AOPEP: variants seen among roughly 807,000 people sequenced by gnomAD.
The protein encoded by AOPEP is aminopeptidase O.
AOPEP carries 77 observed loss-of-function variants against 98.1 expected under a neutral mutation model. The observed-to-expected ratio is 0.78, with a 90% CI of 0.65 to 0.95. The LOEUF (loss-of-function observed/expected upper bound fraction) is 0.95, where lower values mean the gene tolerates loss of function less well. Among genes scored for constraint, AOPEP ranks in the 40% least tolerant of loss-of-function variants. AOPEP has a pLI of 0.00. For synonymous variants in AOPEP, 346 were observed against 365.3 expected, an observed-to-expected ratio of 0.95 and a Z score of 0.60; for missense variants, 1,024 against 1,024.7, an observed-to-expected ratio of 1.00 and a Z score of 0.01.
chr9:94,886,442 C>G (rs1165147616), intron 5 of AOPEP, among the ~76,000 whole-genome samples: 1 of 152,068 alleles, frequency 6.6e-6, no homozygotes, highest in Non-Finnish European at 1.5e-5. Context: ...TACCAATGTT[C>G]TTGAAGAAGA....
intron 5 of AOPEP, 21 bp downstream of exon 5, chr9:94,801,023 A>T: frequency 6.2e-7 from 1 of 1,612,804 alleles, no homozygotes; most frequent in Non-Finnish European, 8.5e-7. Context: ...CCATTGTGGC[A>T]CTTGGGGTAC....
intron 5 of AOPEP, among the ~76,000 whole-genome samples, chr9:94,860,121 T>C (rs925346283): frequency 6.6e-6 from 1 of 151,914 alleles, no homozygotes; most frequent in South Asian, 2.1e-4. Context: ...TCTGAGGCAG[T>C]GATGTAGAAG....
chr9:94,931,744 G>A (rs912963017), intron 7 of AOPEP: 1 of 1,550,480 alleles, frequency 6.4e-7, no homozygotes, highest in East Asian at 2.4e-5. Context: ...TGCAGTGGAA[G>A]CTTCTCTTGA....
intron 3 of AOPEP, among the ~76,000 whole-genome samples, chr9:94,785,886 T>G (rs1183143517): frequency 6.6e-6 from 1 of 152,228 alleles, no homozygotes; most frequent in Non-Finnish European, 1.5e-5. Context: ...AATGGCCCAT[T>G]CTATATGAAG....
In AOPEP at chr9:94,946,599, G is replaced by A. The variant is rs111362827; in HGVS notation, c.1662-8578G>A. 4.6e-5 allele frequency among the ~76,000 whole-genome samples: 7 copies of A among 152,266 alleles called. No homozygotes were observed. In the East Asian group the frequency reaches 9.6e-4, roughly 21 times the overall value. ...GGAATCTGCCTCCTGTAACATCTGCGCAGTCCTCTTAGCTCTTATCTCCAG... is the reference window on the plus strand; with the variant it reads ...GGAATCTGCCTCCTGTAACATCTGCACAGTCCTCTTAGCTCTTATCTCCAG... On this transcript the variant is annotated intron_variant, in intron 7 of 16. Transcript: ENST00000375315.
intron 5 of AOPEP, among the ~76,000 whole-genome samples, chr9:94,825,022 G>A (rs1017870927): frequency 2.0e-5 from 3 of 151,934 alleles, no homozygotes; most frequent in Non-Finnish European, 4.4e-5. Flanking sequence ...TTGCCCTGGC[G>A]TTTCCCAAGA....
chr9:94,946,848 G>A (rs1487553205), intron 7 of AOPEP, among the ~76,000 whole-genome samples: 2 of 152,190 alleles, frequency 1.3e-5, no homozygotes, highest in Middle Eastern at 3.4e-3. Context: ...GCTTTGAGGC[G>A]CCACCCATGA....
intron 7 of AOPEP, among the ~76,000 whole-genome samples, chr9:94,936,207 C>G (rs2056248966): frequency 1.3e-5 from 2 of 152,246 alleles, no homozygotes; most frequent in South Asian, 4.2e-4. Context: ...CACCTCCTTG[C>G]TAAAACTCTC....
chr9:94,849,908 G>A (rs1401017202), intron 5 of AOPEP, among the ~76,000 whole-genome samples: 2 of 152,096 alleles, frequency 1.3e-5, no homozygotes, highest in African/African-American at 4.8e-5. Flanking sequence ...GGTGGCGTGA[G>A]CCTGTAATCC....
chr9:94,936,053 T>C (rs1053343143), intron 7 of AOPEP, among the ~76,000 whole-genome samples: 3 of 152,156 alleles, frequency 2.0e-5, no homozygotes, highest in Admixed American at 6.5e-5. Context: ...ACTCCTCTTC[T>C]CCACCCCTAA....
the AOPEP span, among the ~76,000 whole-genome samples, chr9:95,134,118 T>A: frequency 6.6e-6 from 1 of 152,152 alleles, no homozygotes; most frequent in South Asian, 2.1e-4. Flanking sequence ...GCAGCGTGGC[T>A]GTCAGCACCT....
chr9:94,965,384 A>G (rs1184906718), intron 9 of AOPEP, among the ~76,000 whole-genome samples: 1 of 152,260 alleles, frequency 6.6e-6, no homozygotes, highest in Non-Finnish European at 1.5e-5. Context: ...TAAATATTTC[A>G]TTAATGCTTT....
chr9:95,004,216 A>G (rs1376966999), intron 11 of AOPEP: 2 of 456,318 alleles, frequency 4.4e-6, no homozygotes, highest in Non-Finnish European at 8.8e-6. Flanking sequence ...GGGTTCCAGC[A>G]ACTGCTGATG....
chr9:94,944,470 A>G (rs951057517), intron 7 of AOPEP, among the ~76,000 whole-genome samples: 4 of 152,258 alleles, frequency 2.6e-5, no homozygotes, highest in Non-Finnish European at 5.9e-5. Context: ...GCTCAGCGGA[A>G]AAAGCTGGAC....
chr9:95,005,662 G>A (rs1217310555), intron 13 of AOPEP, 46 bp downstream of exon 13: 1 of 1,510,304 alleles, frequency 6.6e-7, no homozygotes, highest in Admixed American at 1.7e-5. Flanking sequence ...TGGTAAATCC[G>A]CTTCTGCCCC....
chr9:95,101,633 CA>C, the AOPEP span: 6 of 1,593,000 alleles, frequency 3.8e-6, no homozygotes, highest in African/African-American at 8.1e-5. Flanking sequence ...TGCGTGGCCA[CA>C]GGTCATCACC....
chr9:94,773,278 G>C, intron 3 of AOPEP, 110 bp downstream of exon 3: 1 of 1,000,678 alleles, frequency 1.0e-6, no homozygotes, highest in Non-Finnish European at 1.5e-6. Flanking sequence ...TAGTTGGGTT[G>C]GAAATGATCA....
At chr9:94,955,359 T>C (rs2058379905) in intron 8 of AOPEP, 80 bp downstream of exon 8, 1 of 845,858 alleles carries the variant, frequency 1.2e-6, no homozygotes, top group Non-Finnish European at 1.9e-6. Context: ...TGATGATTAG[T>C]AACAAGACTG....
intron 5 of AOPEP, among the ~76,000 whole-genome samples, chr9:94,803,089 G>A (rs1461018223): frequency 6.6e-6 from 1 of 152,146 alleles, no homozygotes; most frequent in Non-Finnish European, 1.5e-5. Flanking sequence ...GGTTTTGTAA[G>A]TCAACTTCAT....
Sources: allele counts gnomAD v4.1 joint callset (sites outside exome capture counted in the v4.1 genomes callset), GRCh38; gene constraint gnomAD v4.1.1; transcripts MANE v1.5; gene names NCBI Gene and HGNC (gene_info 2026-07-23, HGNC 2026-07-21).